Variants in PDK1 observed in about 807,000 individuals in gnomAD.
The protein encoded by PDK1 is pyruvate dehydrogenase kinase 1.
Under a neutral mutation model 54.2 loss-of-function variants are expected in PDK1, and 39 were observed. The observed-to-expected ratio is 0.72, with a 90% CI of 0.56 to 0.94. The LOEUF (loss-of-function observed/expected upper bound fraction) is 0.94. Among genes scored for constraint, PDK1 ranks in the 40% least tolerant of loss-of-function variants. PDK1 has a pLI of 0.00. For synonymous variants in PDK1, 221 were observed against 207.1 expected, an observed-to-expected ratio of 1.07 and a Z score of -0.58; for missense variants, 552 against 566.0, an observed-to-expected ratio of 0.98 and a Z score of 0.25.
the PDK1 span, among the ~76,000 whole-genome samples, chr2:172,646,735 C>CTTTTTTTTTTTTTTTTTTTTTTTTTTT: frequency 3.7e-4 from 27 of 72,040 alleles, 4 homozygotes; most frequent in African/African-American, 1.1e-3. Flanking sequence ...CTTGCATTTC[C>CTTTTTTTTTTTTTTTTTTTTTTTTTTT]TTTTTTTTTT....
chr2:172,675,649 G>A, the PDK1 span, among the ~76,000 whole-genome samples: 1 of 152,134 alleles, frequency 6.6e-6, no homozygotes, highest in Non-Finnish European at 1.5e-5. Context: ...TGAGGTTTAG[G>A]GAAAGAAGCC....
chr2:172,625,847 G>A, the PDK1 span, among the ~76,000 whole-genome samples: 47 of 152,148 alleles, frequency 3.1e-4, 1 homozygote, highest in South Asian at 3.5e-3. Flanking sequence ...TTATGTATAC[G>A]TATCTATGTC....
chr2:172,695,976 C>G, the PDK1 span, among the ~76,000 whole-genome samples: 13 of 151,836 alleles, frequency 8.6e-5, no homozygotes, highest in African/African-American at 3.1e-4. Context: ...AGTTTGTGAC[C>G]AGGCTGGCCA....
the PDK1 span, among the ~76,000 whole-genome samples, chr2:172,713,813 A>G: frequency 4.6e-5 from 7 of 152,152 alleles, no homozygotes; most frequent in Admixed American, 2.6e-4. Flanking sequence ...GGGGGTGTGG[A>G]TCCCGTCTGT....
intron 8 of PDK1, among the ~76,000 whole-genome samples, chr2:172,577,549 T>G (rs7593876): frequency 4.6e-5 from 7 of 152,146 alleles, no homozygotes; most frequent in African/African-American, 1.4e-4. Context: ...GTTAAAATAT[T>G]TTGTATTATA....
At chr2:172,653,183 T>G in the PDK1 span, among the ~76,000 whole-genome samples, 1 of 152,196 alleles carries the variant, frequency 6.6e-6, no homozygotes, top group Non-Finnish European at 1.5e-5. Flanking sequence ...TACAACCATC[T>G]GATCTTTCAC....
At chr2:172,615,550 G>A in the PDK1 span, among the ~76,000 whole-genome samples, 1 of 151,990 alleles carries the variant, frequency 6.6e-6, no homozygotes, top group African/African-American at 2.4e-5. Flanking sequence ...TTGAACCTGG[G>A]AGGCAGAGGT....
At chr2:172,632,717 C>CA in the PDK1 span, among the ~76,000 whole-genome samples, 2 of 151,978 alleles carry the variant, frequency 1.3e-5, no homozygotes, top group East Asian at 2.0e-4. Context: ...CACGGTGGCT[C>CA]ACGCCTGTAA....
chr2:172,587,533 C>T (rs574449723), intron 9 of PDK1, among the ~76,000 whole-genome samples: 8 of 151,978 alleles, frequency 5.3e-5, no homozygotes, highest in African/African-American at 1.2e-4. Flanking sequence ...CAGACCTTCG[C>T]GGTGAGTGTT....
the PDK1 span, among the ~76,000 whole-genome samples, chr2:172,614,172 A>ACCC: frequency 6.7e-5 from 9 of 133,422 alleles, no homozygotes; most frequent in Admixed American, 3.0e-4. Flanking sequence ...CCCAGGAAGG[A>ACCC]CCCCCCCCCC....
chr2:172,697,409 C>G, the PDK1 span, among the ~76,000 whole-genome samples: 41 of 152,268 alleles, frequency 2.7e-4, 1 homozygote, highest in African/African-American at 9.9e-4. Flanking sequence ...CCAGCTTTAT[C>G]AAGCCTCTGA....
the PDK1 span, among the ~76,000 whole-genome samples, chr2:172,637,343 G>T: frequency 6.6e-6 from 1 of 152,286 alleles, no homozygotes; most frequent in Non-Finnish European, 1.5e-5. Context: ...AACATCCACA[G>T]AGGTCACTTA....
chr2:172,653,011 A>C, the PDK1 span, among the ~76,000 whole-genome samples: 2 of 152,212 alleles, frequency 1.3e-5, no homozygotes, highest in Non-Finnish European at 2.9e-5. Context: ...CCACATTGCC[A>C]AGACAATCCT....
chr2:172,583,281 G>GT (rs1175087926), intron 8 of PDK1, among the ~76,000 whole-genome samples: 5,608 of 76,854 alleles, frequency 0.073, 904 homozygotes, highest in African/African-American at 0.082. Context: ...AAGTTTTCTG[G>GT]TTTTTTTTTT....
Position 172,597,907 on chromosome 2 carries a change from T to C in PDK1, c.*1938T>C, listed in dbSNP as rs1262409491. 1.3e-5 allele frequency: 2 copies of C among 152,208 alleles called. No homozygotes were observed. The highest frequency in any genetic ancestry group is 2.9e-5 in the Non-Finnish European group (2 of 68,050). 9.4% of individuals were successfully genotyped at this position (152,208 alleles called of 1,614,324 possible). The stretch of plus-strand genomic sequence containing the variant: ...AAGATGAACAGTTGTGATAAATGTG[T>C]AGATTAGAGGGATGTGAATGGGCAG... On this transcript the variant is annotated 3_prime_UTR_variant, in exon 11 of 11. Transcript: ENST00000282077.
the PDK1 span, among the ~76,000 whole-genome samples, chr2:172,647,401 GAGA>G: frequency 6.6e-6 from 1 of 152,174 alleles, no homozygotes; most frequent in Admixed American, 6.5e-5. Context: ...GCTGAAAAGA[GAGA>G]AGCTGTAAAA....
the PDK1 span, among the ~76,000 whole-genome samples, chr2:172,658,678 C>T: frequency 5.3e-5 from 8 of 152,204 alleles, no homozygotes; most frequent in East Asian, 1.4e-3. Context: ...AAAAGAATTG[C>T]ATTCCTGGGG....
intron 7 of PDK1, 184 bp from the exon 8 acceptor site, chr2:172,570,542 T>G: frequency 4.4e-6 from 2 of 455,634 alleles, no homozygotes; most frequent in Non-Finnish European, 3.9e-6. Flanking sequence ...GGTCAGAATA[T>G]CCTTCAAATC....
At chr2:172,720,335 GA>G in the PDK1 span, among the ~76,000 whole-genome samples, 81 of 152,118 alleles carry the variant, frequency 5.3e-4, no homozygotes, top group African/African-American at 1.8e-3. Flanking sequence ...GGCTAGTCTT[GA>G]ATTCCCGACT....
Sources: gnomAD v4.1 joint callset for allele counts (sites outside exome capture counted in the v4.1 genomes callset) on GRCh38, gnomAD v4.1.1 for gene constraint, MANE v1.5 for transcripts, NCBI Gene and HGNC (gene_info 2026-07-23, HGNC 2026-07-21) for gene names.